Variants in SYTL5 observed in about 807,000 individuals in gnomAD.
SYTL5 encodes synaptotagmin like 5, also known as synaptotagmin-like protein 5.
A neutral mutation model predicts 55.9 loss-of-function variants in SYTL5; 34 were observed. The ratio of observed to expected loss-of-function variants is 0.61; its 90% confidence interval spans 0.46 to 0.81. SYTL5 has a LOEUF of 0.81. Ranked by LOEUF, SYTL5 falls within the 30% of genes least tolerant of loss-of-function variation. The pLI is 0.00. For synonymous variants in SYTL5, 221 were observed against 188.7 expected, an observed-to-expected ratio of 1.17 and a Z score of -1.40; for missense variants, 637 against 546.7, an observed-to-expected ratio of 1.17 and a Z score of -1.65.
chrX:38,031,467 A>T (rs1934950806), intron 1 of SYTL5, among the ~76,000 whole-genome samples: 2 of 111,925 alleles, frequency 1.8e-5, no homozygotes, highest in African/African-American at 6.5e-5. Flanking sequence ...TTTAGAGAGA[A>T]GATTTGTATT....
chrX:38,034,099 A>G, intron 2 of SYTL5, 91 bp downstream of exon 2: 1 of 418,786 alleles, frequency 2.4e-6, no homozygotes, highest in Non-Finnish European at 4.1e-6. Flanking sequence ...TGCAACCACA[A>G]TGGGGACAGA....
intron 2 of SYTL5, among the ~76,000 whole-genome samples, chrX:38,040,370 A>G (rs1266120398): frequency 4.5e-5 from 5 of 110,338 alleles, no homozygotes; most frequent in Non-Finnish European, 9.5e-5. Flanking sequence ...TATATTATTA[A>G]GTTATTATTG....
At chrX:37,947,330 G>A in the SYTL5 span, among the ~76,000 whole-genome samples, 1 of 111,608 alleles carries the variant, frequency 9.0e-6, no homozygotes, top group South Asian at 3.8e-4. Flanking sequence ...GGACATGGTG[G>A]GAGGTGATTG....
chrX:38,062,807 C>T (rs372271478), intron 3 of SYTL5, among the ~76,000 whole-genome samples: 7 of 111,738 alleles, frequency 6.3e-5, no homozygotes, highest in African/African-American at 2.3e-4. Context: ...CTGTTGAAAC[C>T]GCAAATTACC....
At chrX:37,972,542 C>G in the SYTL5 span, among the ~76,000 whole-genome samples, 32 of 110,887 alleles carry the variant, frequency 2.9e-4, no homozygotes, top group Middle Eastern at 9.3e-3. Flanking sequence ...CTCTGAGGCC[C>G]CATATGTTTT....
At chrX:37,933,784 T>C in the SYTL5 span, among the ~76,000 whole-genome samples, 1 of 111,814 alleles carries the variant, frequency 8.9e-6, no homozygotes, top group East Asian at 2.8e-4. Context: ...GCTCTTTGCA[T>C]GCTCAAGAAA....
chrX:38,081,991 C>T (rs1358917467), intron 6 of SYTL5, among the ~76,000 whole-genome samples: 1 of 111,671 alleles, frequency 9.0e-6, no homozygotes, highest in African/African-American at 3.3e-5. Flanking sequence ...CTGCTACAAC[C>T]TCCCTCCCAA....
intron 15 of SYTL5, among the ~76,000 whole-genome samples, chrX:38,123,631 G>A (rs1937596465): frequency 8.9e-6 from 1 of 112,198 alleles, no homozygotes; most frequent in African/African-American, 3.2e-5. Flanking sequence ...AGCTTCTGCT[G>A]CTGGAATGAG....
chrX:37,911,821 C>T, the SYTL5 span, among the ~76,000 whole-genome samples: 2 of 111,258 alleles, frequency 1.8e-5, no homozygotes, highest in African/African-American at 3.3e-5. Context: ...CATACATATA[C>T]GTACATGTAT....
chrX:38,099,906 A>G (rs1434013165), intron 9 of SYTL5, among the ~76,000 whole-genome samples: 1 of 111,479 alleles, frequency 9.0e-6, no homozygotes. Flanking sequence ...CCATCCTTGC[A>G]TTCCAAGGAT....
chrX:37,990,127 C>T, the SYTL5 span, among the ~76,000 whole-genome samples: 6 of 110,934 alleles, frequency 5.4e-5, no homozygotes, highest in African/African-American at 2.0e-4. Context: ...CCACCTCTGC[C>T]TCCCACAGTG....
At chrX:37,991,196 A>G in the SYTL5 span, 1 of 1,205,142 alleles carries the variant, frequency 8.3e-7, no homozygotes, top group African/African-American at 1.7e-5. Context: ...ATGACTGAAG[A>G]CTGGGTCCCA....
chrX:38,086,355 C>T (rs1370156430), intron 6 of SYTL5, among the ~76,000 whole-genome samples: 3 of 111,837 alleles, frequency 2.7e-5, no homozygotes, highest in South Asian at 3.8e-4. Flanking sequence ...GTTTCCCCTA[C>T]CCATGGAATT....
At chrX:37,926,228 T>A in the SYTL5 span, among the ~76,000 whole-genome samples, 1 of 112,152 alleles carries the variant, frequency 8.9e-6, no homozygotes, top group Non-Finnish European at 1.9e-5. Context: ...TGACGATTAG[T>A]GATGTTGAGC....
intron 3 of SYTL5, among the ~76,000 whole-genome samples, chrX:38,070,547 G>A (rs757312835): frequency 1.8e-5 from 2 of 110,496 alleles, no homozygotes; most frequent in East Asian, 5.6e-4. Flanking sequence ...CATATATTTA[G>A]CCAGAGATTA....
the SYTL5 span, among the ~76,000 whole-genome samples, chrX:37,915,518 A>T: frequency 6.2e-5 from 7 of 112,250 alleles, no homozygotes; most frequent in African/African-American, 2.3e-4. Flanking sequence ...TAATTAAGTT[A>T]TTAAGCAACA....
At chrX:38,106,019 G>T (rs1937201614) in intron 10 of SYTL5, among the ~76,000 whole-genome samples, 1 of 112,157 alleles carries the variant, frequency 8.9e-6, no homozygotes, top group African/African-American at 3.2e-5. Context: ...TAGCTACTCA[G>T]TTGAGGGAAA....
chrX:38,054,558 T>A, intron 3 of SYTL5, 136 bp downstream of exon 3: 1 of 538,505 alleles, frequency 1.9e-6, no homozygotes, highest in Non-Finnish European at 3.0e-6. Flanking sequence ...ATCACAGGCT[T>A]AGCAATGCCT....
At chrX:38,029,277 A>G (rs1181752322) in intron 1 of SYTL5, among the ~76,000 whole-genome samples, 1 of 112,297 alleles carries the variant, frequency 8.9e-6, no homozygotes, top group African/African-American at 3.2e-5. Flanking sequence ...TATCCTATCT[A>G]ACTTCAAACA....
Sources: gnomAD v4.1 joint callset for allele counts (sites outside exome capture counted in the v4.1 genomes callset) on GRCh38, gnomAD v4.1.1 for gene constraint, MANE v1.5 for transcripts, NCBI Gene and HGNC (gene_info 2026-07-23, HGNC 2026-07-21) for gene names.